The following TANC2 variants were observed in gnomAD, a reference collection of about 807,000 sequenced individuals.
TANC2 encodes tetratricopeptide repeat, ankyrin repeat and coiled-coil containing 2, also known as protein TANC2.
TANC2 carries 26 observed loss-of-function variants against 210.5 expected under a neutral mutation model. The ratio of observed to expected loss-of-function variants is 0.12; its 90% CI spans 0.09 to 0.17. The LOEUF (loss-of-function observed/expected upper bound fraction) is 0.17. Ranked by LOEUF, TANC2 falls within the 10% of genes least tolerant of loss-of-function variation. TANC2 has a pLI of 1.00. For synonymous variants in TANC2, 931 were observed against 967.1 expected, an observed-to-expected ratio of 0.96 and a Z score of 0.69; for missense variants, 2,129 against 2,608.9, an observed-to-expected ratio of 0.82 and a Z score of 4.01.
At chr17:63,037,903 T>G (rs1297830754) in intron 2 of TANC2, among the ~76,000 whole-genome samples, 1 of 152,094 alleles carries the variant, frequency 6.6e-6, no homozygotes, top group African/African-American at 2.4e-5. Flanking sequence ...TAATCGATGT[T>G]TTTTGTTTTT....
chr17:63,271,674 A>T (rs1262166134), intron 9 of TANC2, among the ~76,000 whole-genome samples: 1 of 131,206 alleles, frequency 7.6e-6, no homozygotes, highest in Non-Finnish European at 1.5e-5. Context: ...GTGTTCTGCC[A>T]TTGAGCTCTT....
chr17:63,091,660 G>A (rs2037199741), intron 3 of TANC2, among the ~76,000 whole-genome samples: 1 of 152,158 alleles, frequency 6.6e-6, no homozygotes, highest in Non-Finnish European at 1.5e-5. Context: ...CTCCAGCTTT[G>A]TTCTTTTGGC....
At position 62,966,235 on chromosome 17, in the gene TANC2, GGCGGCGCTAGCGA is replaced by G. The variant is rs2031321040; in HGVS notation, c.-532_-520del. Among the ~76,000 whole-genome samples the G allele has an allele frequency of 6.8e-6, 1 of 146,468 alleles. No homozygotes were observed. The highest frequency in any genetic ancestry group is 6.8e-5 in the Admixed American group (1 of 14,770). On this transcript the variant is annotated 5_prime_UTR_variant, in exon 1 of 28. Transcript: ENST00000689528. This position sits in a 1 kb window ranked among gnomAD's most constrained non-coding sequence, Gnocchi z 5.1. ...GAGGGTGCGACGCCCCCAGCGCGGC[GGCGGCGCTAGCGA>G]GCGGCCGGCGGGGCGCGGGTTGCTG...
intron 14 of TANC2, among the ~76,000 whole-genome samples, chr17:63,368,697 T>C (rs1239947594): frequency 1.3e-5 from 2 of 152,182 alleles, no homozygotes; most frequent in African/African-American, 4.8e-5. Context: ...CTAGAATACT[T>C]TGCATAGAAT....
chr17:63,038,170 T>G (rs755698088), intron 2 of TANC2, among the ~76,000 whole-genome samples: 28 of 152,186 alleles, frequency 1.8e-4, no homozygotes, highest in Non-Finnish European at 2.9e-4. Flanking sequence ...ATTTTATGGA[T>G]GTTCTTTATC....
chr17:63,104,710 AGAGAGATAACT>A (rs1323391562), intron 4 of TANC2, among the ~76,000 whole-genome samples: 3 of 152,212 alleles, frequency 2.0e-5, no homozygotes, highest in African/African-American at 7.2e-5. Flanking sequence ...TTGGTAGCCT[AGAGAGATAACT>A]CTTACTCGGA....
chr17:63,001,509 T>C (rs2033379081), intron 1 of TANC2, among the ~76,000 whole-genome samples: 1 of 151,678 alleles, frequency 6.6e-6, no homozygotes, highest in South Asian at 2.1e-4. Context: ...CCAGGTTTCC[T>C]TTTCGTTTTT....
At chr17:63,010,957 A>G (rs1452298846) in intron 2 of TANC2, among the ~76,000 whole-genome samples, 1 of 152,022 alleles carries the variant, frequency 6.6e-6, no homozygotes, top group Non-Finnish European at 1.5e-5. Context: ...AGGCTCCATT[A>G]TGCACATATG....
At chr17:63,091,916 G>A (rs1196888123) in intron 3 of TANC2, among the ~76,000 whole-genome samples, 1 of 152,116 alleles carries the variant, frequency 6.6e-6, no homozygotes, top group African/African-American at 2.4e-5. Flanking sequence ...TCTCCTTGAA[G>A]AGCTCCTTCA....
chr17:63,001,754 G>T (rs561345839), intron 1 of TANC2, among the ~76,000 whole-genome samples: 1 of 151,824 alleles, frequency 6.6e-6, no homozygotes, highest in Non-Finnish European at 1.5e-5. Context: ...CACCACATTG[G>T]CCAGGCTGGT....
At chr17:63,382,385 A>G (rs150520668) in intron 15 of TANC2, among the ~76,000 whole-genome samples, 213 of 152,342 alleles carry the variant, frequency 1.4e-3, no homozygotes, top group African/African-American at 4.9e-3. Flanking sequence ...GAAAAAGATC[A>G]AAGCTACCAA....
chr17:63,322,816 G>C (rs192810114), intron 11 of TANC2, among the ~76,000 whole-genome samples: 2 of 152,168 alleles, frequency 1.3e-5, no homozygotes, highest in Non-Finnish European at 2.9e-5. Flanking sequence ...GTCCCAAGAT[G>C]TTCATGTTCA....
chr17:63,260,086 T>TA (rs908906493), intron 8 of TANC2, among the ~76,000 whole-genome samples: 1 of 152,168 alleles, frequency 6.6e-6, no homozygotes, highest in African/African-American at 2.4e-5. Flanking sequence ...GAATAAGGAA[T>TA]AAAAAATAAG....
At chr17:63,090,209 T>C (rs987299102) in intron 3 of TANC2, among the ~76,000 whole-genome samples, 1 of 123,700 alleles carries the variant, frequency 8.1e-6, no homozygotes, top group Non-Finnish European at 1.6e-5. Flanking sequence ...TGACTTTTTT[T>C]TTTGAGTTTT....
chr17:63,032,383 A>G (rs1020394393), intron 2 of TANC2, among the ~76,000 whole-genome samples: 3 of 152,058 alleles, frequency 2.0e-5, no homozygotes, highest in South Asian at 2.1e-4. Context: ...CAAATCATCT[A>G]TGGTAGAGGG....
At chr17:63,182,495 G>A (rs770622800) in intron 5 of TANC2, 69 of 262,884 alleles carry the variant, frequency 2.6e-4, no homozygotes, top group South Asian at 1.6e-3. Context: ...TTGGTGGAAG[G>A]GACCCATTTT....
At chr17:63,146,668 G>T (rs2039472694) in intron 4 of TANC2, among the ~76,000 whole-genome samples, 1 of 151,880 alleles carries the variant, frequency 6.6e-6, no homozygotes, top group Admixed American at 6.6e-5. Flanking sequence ...AATCCCTTCT[G>T]CTATGAAACA....
At chr17:63,009,729 A>G in intron 2 of TANC2, 103 bp downstream of exon 2, 1 of 956,884 alleles carries the variant, frequency 1.0e-6, no homozygotes, top group Non-Finnish European at 1.6e-6. Flanking sequence ...CTTAACTTAG[A>G]ACTTAAAAGA....
chr17:63,421,828 T>C lies in TANC2; in HGVS notation c.6098T>C (p.Val2033Ala). The C allele has an allele frequency of 6.2e-7, 1 of 1,614,008 alleles. No individual in the cohort carries two copies. Among genetic ancestry groups the C allele is most frequent in the Non-Finnish European group, 8.5e-7 (1 of 1,179,890 alleles). The change falls in exon 28 of 28, where the codon GTA (valine) becomes GCA (alanine). Residue 2033 changes from valine to alanine, a missense_variant. Around this residue, in one of 5 missense-constraint regions of TANC2, gnomAD observed 161 missense variants for 178.6 expected, o/e 0.90. Transcript: ENST00000689528. The surrounding 1 kb of genome is among the most constrained non-coding windows in gnomAD (Gnocchi z 6.9). ...GCCTCCTCCTATCCCGACGTGAAGG[T>C]AGCTCGGACTCTACCTGTGGCTCAG...
Sources: gnomAD v4.1 joint callset for allele counts (sites outside exome capture counted in the v4.1 genomes callset) on GRCh38, gnomAD v4.1.1 for gene constraint, gnomAD v4.1.1 regional missense constraint, Gnocchi (gnomAD v3.1) non-coding constraint, MANE v1.5 for transcripts, NCBI Gene and HGNC (gene_info 2026-07-23, HGNC 2026-07-21) for gene names.